CASP8: variants seen among roughly 807,000 people sequenced by gnomAD.
CASP8 encodes caspase-8.
Under a neutral mutation model 46.3 loss-of-function variants are expected in CASP8, and 24 were observed. The ratio of observed to expected loss-of-function variants is 0.52; its 90% CI spans 0.38 to 0.73. The LOEUF is 0.73. Ranked by LOEUF, CASP8 falls within the 30% of genes least tolerant of loss-of-function variation. The probability of loss-of-function intolerance (pLI) is 0.00; values close to 1 mark genes in which losing one functional copy is unlikely to be tolerated. For missense variants in CASP8, 460 were observed against 559.0 expected, an observed-to-expected ratio of 0.82 and a Z score of 1.79; for synonymous variants, 188 against 200.4, an observed-to-expected ratio of 0.94 and a Z score of 0.52.
intron 1 of CASP8, among the ~76,000 whole-genome samples, 197 bp downstream of exon 1, chr2:201,260,810 C>T (rs1439706886): frequency 6.6e-6 from 1 of 152,136 alleles, no homozygotes; most frequent in Non-Finnish European, 1.5e-5. Flanking sequence ...TTGCCGAGGG[C>T]CGTGCAGTTT....
At chr2:201,254,540 G>A (rs184018783) in intron 2 of CASP8, among the ~76,000 whole-genome samples, 1 of 152,304 alleles carries the variant, frequency 6.6e-6, no homozygotes, top group African/African-American at 2.4e-5. Flanking sequence ...TGGCCCATGG[G>A]TTATATACAA....
chr2:201,261,372 CA>C, intron 1 of CASP8, among the ~76,000 whole-genome samples: 1 of 98,582 alleles, frequency 1.0e-5, no homozygotes. Context: ...GCCTGGGCAA[CA>C]AGAGCGAAAC....
intron 7 of CASP8, among the ~76,000 whole-genome samples, chr2:201,278,825 C>T (rs557411403): frequency 6.6e-6 from 1 of 152,258 alleles, no homozygotes; most frequent in African/African-American, 2.4e-5. Context: ...AGCCACTGCA[C>T]CTGGCTGAGA....
chr2:201,279,761 T>C (rs1223538456), intron 7 of CASP8, among the ~76,000 whole-genome samples: 1 of 152,192 alleles, frequency 6.6e-6, no homozygotes, highest in African/African-American at 2.4e-5. Context: ...AAGCCCAGCC[T>C]GACCAACATG....
At chr2:201,248,369 A>G (rs950426123) in intron 2 of CASP8, among the ~76,000 whole-genome samples, 1 of 152,096 alleles carries the variant, frequency 6.6e-6, no homozygotes, top group Non-Finnish European at 1.5e-5. Flanking sequence ...GTCCGTCCAG[A>G]TGAGGTGCGG....
At position 201,274,878 on chromosome 2, in the gene CASP8, G is replaced by T. The variant is rs377152347; in HGVS notation, c.596-11G>T. ...TGTCTCATTCTAGATGTGTCTCTTC[G>T]TTGTTTGCAGGGGAGGAGTTGTGTG... is the stretch of plus-strand genomic sequence containing the variant. On this transcript the variant is annotated splice_polypyrimidine_tract_variant and intron_variant, in intron 5 of 8. Coordinates refer to ENST00000673742, the MANE Select transcript of CASP8 (RefSeq NM_001372051.1). 8 of 1,607,714 alleles carry T rather than the reference G, an allele frequency of 5.0e-6. No homozygotes were observed. Among genetic ancestry groups the T allele is most frequent in the African/African-American group, 1.3e-5 (1 of 74,770 alleles).
Position 201,242,454 on chromosome 2 carries a change from G to A in CASP8, c.-27+8342G>A, listed in dbSNP as rs571160180. 3.9e-5 allele frequency: 6 copies of A among 152,084 alleles called. No homozygotes were observed. The East Asian group carries it at 5.8e-4, about 15-fold the overall frequency. 9.4% of individuals were successfully genotyped at this position (152,084 alleles called of 1,614,324 possible). The stretch of plus-strand genomic sequence containing the variant: ...CCTCATGGAATTAGGGTGATGGAGC[G>A]CTCTGGGATTTCTTTTATAAGGCAC... On this transcript the variant is annotated intron_variant, in intron 2 of 6. Coordinates refer to the CASP8 transcript ENST00000264274.
chr2:201,240,587 C>T (rs1406015609), intron 2 of CASP8: 1 of 152,094 alleles, frequency 6.6e-6, no homozygotes, highest in African/African-American at 2.4e-5. Context: ...TAGTAGGAGA[C>T]TTCAACACTG....
intron 2 of CASP8, among the ~76,000 whole-genome samples, chr2:201,270,167 A>C (rs1948140138): frequency 6.6e-6 from 1 of 152,216 alleles, no homozygotes; most frequent in Non-Finnish European, 1.5e-5. Context: ...TCCTTTGTTC[A>C]CCTATTCGAC....
upstream of CASP8, chr2:201,258,294 C>T (rs1009720305): frequency 1.9e-6 from 3 of 1,614,054 alleles, no homozygotes; most frequent in African/African-American, 2.7e-5. Context: ...TCCTGGGAGC[C>T]TTTCCCACCC....
chr2:201,244,446 T>G (rs1946424734), intron 2 of CASP8, among the ~76,000 whole-genome samples: 1 of 152,118 alleles, frequency 6.6e-6, no homozygotes, highest in Non-Finnish European at 1.5e-5. Flanking sequence ...GGCTCATGGG[T>G]TCATAGGCGC....
intron 2 of CASP8, among the ~76,000 whole-genome samples, chr2:201,251,243 G>C (rs7574510): frequency 0.12 from 18,614 of 152,188 alleles, 1,539 homozygotes; most frequent in South Asian, 0.29. Context: ...TTTTTGCATG[G>C]ACATAAATGT....
At chr2:201,255,023 AATG>A (rs771163951) in intron 2 of CASP8, among the ~76,000 whole-genome samples, 1 of 152,230 alleles carries the variant, frequency 6.6e-6, no homozygotes, top group Admixed American at 6.5e-5. Flanking sequence ...ATGAAGTAAT[AATG>A]ATCTTTGTGC....
intron 2 of CASP8, among the ~76,000 whole-genome samples, chr2:201,252,478 G>A (rs1180132348): frequency 1.3e-5 from 2 of 152,142 alleles, no homozygotes; most frequent in South Asian, 2.1e-4. Flanking sequence ...CTTTCACCAT[G>A]TTGGCCAGGA....
intron 2 of CASP8, among the ~76,000 whole-genome samples, chr2:201,239,773 C>T (rs1005560365): frequency 2.6e-5 from 4 of 152,164 alleles, no homozygotes; most frequent in Non-Finnish European, 4.4e-5. Flanking sequence ...CCGGATCCTC[C>T]CACAGCTTGC....
In CASP8 at chr2:201,276,973, A is replaced by C; in HGVS notation, c.802+5A>C. ...ATGGAACACACTTGGATGCAGGTAC[A>C]GTAGAACCCAAAAGAGAAAAGTAAA... On this transcript the variant is annotated splice_donor_5th_base_variant and intron_variant, in intron 7 of 8. Transcript: ENST00000673742. 6.2e-7 allele frequency: 1 copy of C among 1,605,082 alleles called. No homozygotes were observed. The highest frequency in any genetic ancestry group is 8.5e-7 in the Non-Finnish European group (1 of 1,171,750).
intron 7 of CASP8, among the ~76,000 whole-genome samples, chr2:201,282,202 A>G (rs1337135522): frequency 2.0e-5 from 1 of 49,052 alleles, no homozygotes; most frequent in African/African-American, 7.1e-5. Flanking sequence ...CCCTTAATCC[A>G]TTTAACCCTG....
rs776036102 is a variant in CASP8 at position 201,276,907 on chromosome 2, A to G, written c.741A>G (p.Ala247=). 1.8e-5 allele frequency: 29 copies of G among 1,614,054 alleles called. No homozygotes were observed. Among genetic ancestry groups the G allele is most frequent in the Non-Finnish European group, 2.2e-5 (26 of 1,179,992 alleles). ...LIINNHNFAK[A]REKVPKLHSI... ...TCAACAATCACAATTTTGCAAAAGC[A>G]CGGGAGAAAGTGCCCAAACTTCACA... The change falls in exon 7 of 9, where the codon GCA becomes GCG. Residue 247 remains alanine (A), a synonymous_variant. Coordinates refer to ENST00000673742, the MANE Select transcript of CASP8 (RefSeq NM_001372051.1).
intron 2 of CASP8, chr2:201,241,614 C>G (rs1946303034): frequency 6.6e-6 from 1 of 152,160 alleles, no homozygotes; most frequent in Non-Finnish European, 1.5e-5. Flanking sequence ...GTGAATTCTT[C>G]CAAACATCTC....
Sources: gnomAD v4.1 joint callset for allele counts (sites outside exome capture counted in the v4.1 genomes callset) on GRCh38, gnomAD v4.1.1 for gene constraint, MANE v1.5 for transcripts, NCBI Gene and HGNC (gene_info 2026-07-23, HGNC 2026-07-21) for gene names.